PRKAG2: variants seen among roughly 807,000 people sequenced by gnomAD.
The protein encoded by PRKAG2 is 5'-AMP-activated protein kinase subunit gamma-2.
A neutral mutation model predicts 69.6 loss-of-function variants in PRKAG2; 26 were observed. The observed-to-expected ratio is 0.37, with a 90% CI of 0.27 to 0.52. The LOEUF (loss-of-function observed/expected upper bound fraction) is 0.52, where lower values mean the gene tolerates loss of function less well. Ranked by LOEUF, PRKAG2 falls within the 20% of genes least tolerant of loss-of-function variation. The pLI, the probability that PRKAG2 is intolerant of heterozygous loss-of-function variation, is 0.90. For missense variants in PRKAG2, 557 were observed against 740.0 expected, an observed-to-expected ratio of 0.75 and a Z score of 2.87; for synonymous variants, 293 against 285.0, an observed-to-expected ratio of 1.03 and a Z score of -0.28.
At chr7:151,748,552 G>A (rs553512499) in intron 3 of PRKAG2, among the ~76,000 whole-genome samples, 3 of 152,192 alleles carry the variant, frequency 2.0e-5, no homozygotes, top group African/African-American at 7.2e-5. Context: ...GCTTCTTTTG[G>A]GGTTTGGTTG....
intron 1 of PRKAG2, among the ~76,000 whole-genome samples, chr7:151,834,071 A>T (rs1400675205): frequency 6.6e-6 from 1 of 152,144 alleles, no homozygotes; most frequent in Non-Finnish European, 1.5e-5. Flanking sequence ...AGGAAAAAAA[A>T]AATAGAAAAT....
chr7:151,594,080 G>C (rs75348548), intron 6 of PRKAG2, among the ~76,000 whole-genome samples: 74 of 152,256 alleles, frequency 4.9e-4, no homozygotes, highest in Middle Eastern at 3.4e-3. Context: ...AGCAGGAAGA[G>C]CCTGGAAGGA....
chr7:151,810,540 G>C (rs911226509), intron 1 of PRKAG2: 2 of 152,228 alleles, frequency 1.3e-5, no homozygotes, highest in African/African-American at 4.8e-5. Flanking sequence ...GGCCCACCCT[G>C]GGCTGCCTGG....
intron 6 of PRKAG2, among the ~76,000 whole-genome samples, chr7:151,585,737 T>C (rs1811492700): frequency 6.6e-6 from 1 of 152,214 alleles, no homozygotes; most frequent in African/African-American, 2.4e-5. Flanking sequence ...ATTCAAGTCA[T>C]TGTTCCAAAG....
intron 3 of PRKAG2, among the ~76,000 whole-genome samples, chr7:151,724,858 G>C (rs983969759): frequency 6.6e-6 from 1 of 152,104 alleles, no homozygotes; most frequent in Non-Finnish European, 1.5e-5. Context: ...CCCGAGCCTA[G>C]ATTTCTACCT....
intron 3 of PRKAG2, among the ~76,000 whole-genome samples, chr7:151,726,970 C>G (rs1325742368): frequency 6.6e-6 from 1 of 152,122 alleles, no homozygotes; most frequent in Non-Finnish European, 1.5e-5. Context: ...AATCCCAGCG[C>G]TTTGGGAGGC....
At chr7:151,650,318 TAGA>T (rs949540423) in intron 4 of PRKAG2, among the ~76,000 whole-genome samples, 9 of 152,046 alleles carry the variant, frequency 5.9e-5, no homozygotes, top group Admixed American at 5.9e-4. Flanking sequence ...AAAAAAAATT[TAGA>T]AGAAAAATGG....
chr7:151,691,417 A>C (rs1050218783), intron 3 of PRKAG2, among the ~76,000 whole-genome samples: 2 of 152,106 alleles, frequency 1.3e-5, no homozygotes, highest in Non-Finnish European at 2.9e-5. Context: ...TATATGATAA[A>C]GGACTTGTAG....
intron 1 of PRKAG2, among the ~76,000 whole-genome samples, chr7:151,848,984 C>T (rs546554461): frequency 1.3e-5 from 2 of 152,240 alleles, no homozygotes; most frequent in East Asian, 1.9e-4. Flanking sequence ...CCGAGCCGTA[C>T]GGGTTGGCTC....
At chr7:151,658,642 G>A (rs1006790691) in intron 4 of PRKAG2, among the ~76,000 whole-genome samples, 19 of 151,994 alleles carry the variant, frequency 1.3e-4, no homozygotes, top group African/African-American at 3.6e-4. Context: ...ATTCAGTATT[G>A]GGGTGCGAAC....
At position 151,638,540 on chromosome 7, in the gene PRKAG2, AG is replaced by A. The variant is rs1041983832; in HGVS notation, c.685-6403del. Among the ~76,000 whole-genome samples, 3 of 152,264 alleles carry A rather than the reference AG, an allele frequency of 2.0e-5. No homozygotes were observed. Among genetic ancestry groups the A allele is most frequent in the African/African-American group, 7.2e-5 (3 of 41,564 alleles). Reference sequence around the variant, plus strand: ...TCCCAGCTACTCGGGAGGCTGAGGCAGGAGAATCGCTTGAACCCAGGAGGCG... The same window carrying A: ...TCCCAGCTACTCGGGAGGCTGAGGCAGAGAATCGCTTGAACCCAGGAGGCG... On this transcript the variant is annotated intron_variant, in intron 4 of 15. Coordinates refer to ENST00000287878, the MANE Select transcript of PRKAG2 (RefSeq NM_016203.4). This position sits in a 1 kb window ranked among gnomAD's most constrained non-coding sequence, Gnocchi z 4.3.
At position 151,557,074 on chromosome 7, in the gene PRKAG2, G is replaced by GGAA; in HGVS notation, c.*124_*126dup. On this transcript the variant is annotated 3_prime_UTR_variant, in exon 16 of 16. Transcript: ENST00000287878. Reference sequence around the variant, plus strand: ...TTTTAAGCTTAATTTCAACATCACTGGAAGAAATACCTATTGTTAAACCCT... The same window carrying GGAA: ...TTTTAAGCTTAATTTCAACATCACTGGAAGAAGAAATACCTATTGTTAAACCCT... The GGAA allele has an allele frequency of 6.9e-7, 1 of 1,455,318 alleles. No individual in the cohort carries two copies. Among genetic ancestry groups the GGAA allele is most frequent in the Non-Finnish European group, 9.6e-7 (1 of 1,043,130 alleles). 90.2% of individuals were successfully genotyped at this position (1,455,318 alleles called of 1,614,324 possible).
At chr7:151,560,125 GT>G (rs1031213990) in intron 15 of PRKAG2, 11 of 984,802 alleles carry the variant, frequency 1.1e-5, no homozygotes, top group Admixed American at 1.2e-4. Context: ...CAAAATATAA[GT>G]TTTTTTTCTC....
At chr7:151,773,106 A>T in intron 3 of PRKAG2, among the ~76,000 whole-genome samples, 1 of 95,440 alleles carries the variant, frequency 1.0e-5, no homozygotes, top group South Asian at 3.8e-4. Flanking sequence ...AAGGGAAGGG[A>T]AGGGAAGGGA....
At chr7:151,590,798 G>C (rs544238992) in intron 6 of PRKAG2, among the ~76,000 whole-genome samples, 1 of 152,352 alleles carries the variant, frequency 6.6e-6, no homozygotes, top group African/African-American at 2.4e-5. Context: ...GTAACGTTAG[G>C]ACAAAGACGA....
At chr7:151,572,908 T>C (rs544766458) in intron 8 of PRKAG2, among the ~76,000 whole-genome samples, 199 bp from the exon 9 acceptor site, 60 of 151,780 alleles carry the variant, frequency 4.0e-4, no homozygotes, top group Non-Finnish European at 7.4e-4. Flanking sequence ...AGGTCAGGAG[T>C]TTGAGACCAG....
chr7:151,759,906 A>G (rs2075314577), intron 3 of PRKAG2, among the ~76,000 whole-genome samples: 1 of 152,210 alleles, frequency 6.6e-6, no homozygotes, highest in Non-Finnish European at 1.5e-5. Context: ...TTGAGGCCAC[A>G]TTGTCTTGAA....
At chr7:151,811,486 T>G (rs530358489) in intron 1 of PRKAG2, among the ~76,000 whole-genome samples, 1 of 152,384 alleles carries the variant, frequency 6.6e-6, no homozygotes, top group South Asian at 2.1e-4. Flanking sequence ...CATTCTATTT[T>G]TCTCTTAACT....
intron 10 of PRKAG2, among the ~76,000 whole-genome samples, chr7:151,569,877 CA>C (rs1375421247): frequency 3.9e-5 from 6 of 152,134 alleles, no homozygotes; most frequent in African/African-American, 1.4e-4. Context: ...TTTAGCAGGT[CA>C]GGGGTAAAAG....
Sources: gnomAD v4.1 joint callset for allele counts (sites outside exome capture counted in the v4.1 genomes callset) on GRCh38, gnomAD v4.1.1 for gene constraint, Gnocchi (gnomAD v3.1) non-coding constraint, MANE v1.5 for transcripts, NCBI Gene and HGNC (gene_info 2026-07-23, HGNC 2026-07-21) for gene names.